Variants in PDK1 observed in about 807,000 individuals in gnomAD.
PDK1 encodes the protein [Pyruvate dehydrogenase (acetyl-transferring)] kinase isozyme 1, mitochondrial.
Under a neutral mutation model 54.2 loss-of-function variants are expected in PDK1, and 39 were observed. That is an observed-to-expected ratio of 0.72 (90% CI 0.56 to 0.94). The LOEUF (loss-of-function observed/expected upper bound fraction) is 0.94. Ranked by LOEUF, PDK1 falls within the 40% of genes least tolerant of loss-of-function variation. The pLI, the probability that PDK1 is intolerant of heterozygous loss-of-function variation, is 0.00. For missense variants in PDK1, 552 were observed against 566.0 expected (o/e 0.98, Z 0.25); for synonymous variants, 221 against 207.1 (o/e 1.07, Z -0.58).
chr2:172,620,764 C>T, the PDK1 span, among the ~76,000 whole-genome samples: 1 of 152,112 alleles, frequency 6.6e-6, no homozygotes, highest in African/African-American at 2.4e-5. Flanking sequence ...CTTGCTTTCA[C>T]CATGTGAAGT....
the PDK1 span, among the ~76,000 whole-genome samples, chr2:172,708,234 A>C: frequency 6.6e-6 from 1 of 151,982 alleles, no homozygotes. Context: ...GGCTGCAATG[A>C]GCAATAATTG....
chr2:172,645,127 A>G, the PDK1 span, among the ~76,000 whole-genome samples: 1 of 152,114 alleles, frequency 6.6e-6, no homozygotes, highest in African/African-American at 2.4e-5. Flanking sequence ...CTGTGATGAG[A>G]GTATTTACAC....
the PDK1 span, among the ~76,000 whole-genome samples, chr2:172,705,007 G>T: frequency 6.6e-6 from 1 of 152,166 alleles, no homozygotes; most frequent in Non-Finnish European, 1.5e-5. Flanking sequence ...AGCAAAAAAG[G>T]TGGAAAACTT....
chr2:172,573,140 ACT>A (rs1219570738), intron 8 of PDK1, among the ~76,000 whole-genome samples: 1 of 152,092 alleles, frequency 6.6e-6, no homozygotes, highest in Non-Finnish European at 1.5e-5. Flanking sequence ...ATCATAGGAA[ACT>A]CTGTTTAACT....
the PDK1 span, among the ~76,000 whole-genome samples, chr2:172,624,080 T>A: frequency 7.2e-5 from 11 of 152,196 alleles, no homozygotes; most frequent in Non-Finnish European, 7.4e-5. Flanking sequence ...TCATCAGATC[T>A]CCTCTGCCTC....
the PDK1 span, among the ~76,000 whole-genome samples, chr2:172,701,323 A>G: frequency 1.1e-4 from 17 of 152,162 alleles, no homozygotes; most frequent in African/African-American, 4.1e-4. Flanking sequence ...TTGATTAAAA[A>G]CAACAATAAG....
chr2:172,697,220 A>G, the PDK1 span, among the ~76,000 whole-genome samples: 2 of 152,150 alleles, frequency 1.3e-5, no homozygotes, highest in Admixed American at 1.3e-4. Flanking sequence ...CACTGGGCAA[A>G]AATCACTAAG....
chr2:172,581,026 A>G (rs1449294682), intron 8 of PDK1, among the ~76,000 whole-genome samples: 1 of 151,818 alleles, frequency 6.6e-6, no homozygotes, highest in Non-Finnish European at 1.5e-5. Flanking sequence ...ATGGTTGCAC[A>G]TATCGATGAA....
chr2:172,593,383 T>C (rs1171762994), intron 10 of PDK1, among the ~76,000 whole-genome samples: 2 of 150,608 alleles, frequency 1.3e-5, no homozygotes, highest in Non-Finnish European at 3.0e-5. Context: ...CTGCCAAGGC[T>C]TTTTTTTTGT....
the PDK1 span, among the ~76,000 whole-genome samples, chr2:172,614,400 C>T: frequency 6.6e-6 from 1 of 152,212 alleles, no homozygotes; most frequent in Non-Finnish European, 1.5e-5. Context: ...ACTTCCTCCT[C>T]TCTGAGGTCC....
the PDK1 span, among the ~76,000 whole-genome samples, chr2:172,659,588 C>T: frequency 6.6e-6 from 1 of 152,086 alleles, no homozygotes; most frequent in Non-Finnish European, 1.5e-5. Context: ...TTTTGCCTCC[C>T]CTACATTAAC....
At chr2:172,681,868 C>A in the PDK1 span, among the ~76,000 whole-genome samples, 1 of 152,192 alleles carries the variant, frequency 6.6e-6, no homozygotes, top group African/African-American at 2.4e-5. Flanking sequence ...AAGCGATTCT[C>A]AAGCCTCAAA....
intron 9 of PDK1, among the ~76,000 whole-genome samples, chr2:172,587,624 C>T (rs1158255475): frequency 1.3e-5 from 2 of 151,766 alleles, no homozygotes; most frequent in African/African-American, 4.8e-5. Flanking sequence ...AAAGCTTCTA[C>T]AGCCTGGAAG....
At position 172,579,526 on chromosome 2, in the gene PDK1, T is replaced by TTTC. The variant is rs1491279276; in HGVS notation, c.946-6750_946-6749insCTT. On this transcript the variant is annotated intron_variant, in intron 8 of 10. Coordinates refer to ENST00000282077, the MANE Select transcript of PDK1 (RefSeq NM_002610.5). ...TTGCACCCCCCTCCCCCGCTCTTTC[T>TTTC]TTTTTTTTTTTTTTTTGGTGCTTTG... 5.4e-3 allele frequency among the ~76,000 whole-genome samples: 350 copies of TTTC among 64,546 alleles called. 2 individuals are homozygous for TTTC. Among genetic ancestry groups the TTTC allele is most frequent in the African/African-American group, 0.031 (325 of 10,646 alleles). The allele number at this position is 64,546 out of a possible 152,430, so 42.3% of individuals were successfully genotyped here.
At chr2:172,621,875 A>G in the PDK1 span, among the ~76,000 whole-genome samples, 8 of 143,976 alleles carry the variant, frequency 5.6e-5, 1 homozygote, top group African/African-American at 2.0e-4. Context: ...TATGTATGAT[A>G]TATGTTTATA....
chr2:172,570,811 A>G lies in PDK1; in HGVS notation c.932A>G (p.Asp311Gly). 1 of 1,584,012 alleles carries G rather than the reference A, an allele frequency of 6.3e-7. No homozygotes were observed. The highest frequency in any genetic ancestry group is 2.2e-5 in the East Asian group (1 of 44,666). ...GTTCATGTCACGCTGGGTAATGAGG[A>G]TTTGACTGTGAAGGTAAATGTGTTT... ...IQVHVTLGNE[D>G]LTVKMSDRGG... Residue 311 changes from aspartate (D) to glycine (G), a missense_variant, in exon 8 of 11, where the codon GAT becomes GGT. By Grantham distance (94) the Asp-to-Gly change is moderately conservative. Coordinates refer to ENST00000282077, the MANE Select transcript of PDK1 (RefSeq NM_002610.5).
At chr2:172,621,832 T>G in the PDK1 span, among the ~76,000 whole-genome samples, 1 of 124,104 alleles carries the variant, frequency 8.1e-6, no homozygotes, top group African/African-American at 2.8e-5. Context: ...TATATGTTTA[T>G]ATCTCATATG....
At chr2:172,639,622 A>G in the PDK1 span, among the ~76,000 whole-genome samples, 1 of 152,228 alleles carries the variant, frequency 6.6e-6, no homozygotes, top group Non-Finnish European at 1.5e-5. Flanking sequence ...TGCTAACTTA[A>G]ATATGCTATA....
At chr2:172,631,604 A>C in the PDK1 span, among the ~76,000 whole-genome samples, 1 of 152,200 alleles carries the variant, frequency 6.6e-6, no homozygotes, top group Non-Finnish European at 1.5e-5. Flanking sequence ...TTGTTTCCTG[A>C]GTAAAAAGAT....
Sources: gnomAD v4.1 joint callset for allele counts (sites outside exome capture counted in the v4.1 genomes callset) on GRCh38, gnomAD v4.1.1 for gene constraint, MANE v1.5 for transcripts, NCBI Gene and HGNC (gene_info 2026-07-23, HGNC 2026-07-21) for gene names.